The following WWOX variants were observed in gnomAD, a reference collection of about 807,000 sequenced individuals.
WWOX encodes WW domain containing oxidoreductase.
A neutral mutation model predicts 46.2 loss-of-function variants in WWOX; 69 were observed. That is an observed-to-expected ratio of 1.49 (90% CI 1.23 to 1.82). WWOX has a LOEUF of 1.82. Ranked by LOEUF, WWOX falls within the 40% of genes most tolerant of loss-of-function variation. The probability of loss-of-function intolerance (pLI) is 0.00; values close to 1 mark genes in which losing one functional copy is unlikely to be tolerated. For synonymous variants in WWOX, 359 were observed against 202.6 expected (o/e 1.77, Z -6.56); for missense variants, 919 against 542.6 (o/e 1.69, Z -6.89).
chr16:78,662,248 A>T (rs553293841), intron 8 of WWOX, among the ~76,000 whole-genome samples: 1 of 152,168 alleles, frequency 6.6e-6, no homozygotes, highest in African/African-American at 2.4e-5. Flanking sequence ...ACCTCCTGCT[A>T]TCTGTACATA....
intron 8 of WWOX, chr16:78,892,285 T>C (rs997462044): frequency 6.6e-6 from 1 of 152,100 alleles, no homozygotes; most frequent in African/African-American, 2.4e-5. Context: ...ATGAACCACA[T>C]GCTAAAATAA....
intron 8 of WWOX, among the ~76,000 whole-genome samples, chr16:78,946,964 C>G (rs1041999017): frequency 6.6e-6 from 1 of 152,066 alleles, no homozygotes; most frequent in African/African-American, 2.4e-5. Context: ...GAGTTGGTAT[C>G]GCACGCAGGC....
chr16:78,562,364 A>G (rs953261550), intron 8 of WWOX, among the ~76,000 whole-genome samples: 1 of 152,302 alleles, frequency 6.6e-6, no homozygotes, highest in East Asian at 1.9e-4. Flanking sequence ...GTGTTACTAT[A>G]CGATCTAGTG....
At chr16:78,605,930 C>T (rs898435408) in intron 8 of WWOX, among the ~76,000 whole-genome samples, 3 of 152,192 alleles carry the variant, frequency 2.0e-5, no homozygotes, top group Non-Finnish European at 4.4e-5. Flanking sequence ...GAAGCTGAAA[C>T]ATGCGCATTT....
Position 78,346,412 on chromosome 16 carries a change from C to T in WWOX, c.517-40448C>T, listed in dbSNP as rs1435413566. The stretch of plus-strand genomic sequence containing the variant: ...ATCTGTTTTATCTTGGGGGATAATA[C>T]TCTGGAGTGGAATGGGCAGGGTGGT... On this transcript the variant is annotated intron_variant, in intron 5 of 8. Coordinates refer to ENST00000566780, the MANE Select transcript of WWOX (RefSeq NM_016373.4). Among the ~76,000 whole-genome samples, 8 of 82,644 alleles carry T rather than the reference C, an allele frequency of 9.7e-5. 2 individuals are homozygous for T. Among genetic ancestry groups the T allele is most frequent in the African/African-American group, 1.9e-4 (4 of 21,456 alleles). The allele number at this position is 82,644 out of a possible 152,430, so 54.2% of individuals were successfully genotyped here. A position where few individuals can be genotyped will look rare whatever the true frequency, so the allele number is the denominator to read the frequency against.
chr16:78,453,082 T>C (rs972718698), intron 8 of WWOX, among the ~76,000 whole-genome samples: 2 of 151,932 alleles, frequency 1.3e-5, no homozygotes, highest in African/African-American at 4.8e-5. Context: ...GGTTTCATCA[T>C]GTTGGCCAGG....
chr16:78,517,940 A>C (rs910716368), intron 8 of WWOX, among the ~76,000 whole-genome samples: 7 of 131,010 alleles, frequency 5.3e-5, no homozygotes, highest in Admixed American at 9.2e-5. Context: ...TCTTTTCTTT[A>C]CTAGTGAGTG....
chr16:79,113,271 A>G (rs1335480061), intron 8 of WWOX, among the ~76,000 whole-genome samples: 1 of 152,176 alleles, frequency 6.6e-6, no homozygotes, highest in African/African-American at 2.4e-5. Context: ...GGGAGCAGGT[A>G]CTGCTGTGGA....
At chr16:78,979,228 A>G (rs1394020211) in intron 8 of WWOX, among the ~76,000 whole-genome samples, 1 of 152,148 alleles carries the variant, frequency 6.6e-6, no homozygotes, top group Non-Finnish European at 1.5e-5. Flanking sequence ...ACATTTGGAA[A>G]ACATACAGAA....
intron 8 of WWOX, among the ~76,000 whole-genome samples, chr16:78,791,031 AAAAAAAAAAAGTG>A (rs1252802177): frequency 3.3e-5 from 5 of 151,332 alleles, no homozygotes; most frequent in African/African-American, 1.2e-4. Flanking sequence ...AAAAAAAAAA[AAAAAAAAAAAGTG>A]AAAAAAAGGA....
At chr16:78,615,924 G>A (rs2046013109) in intron 8 of WWOX, among the ~76,000 whole-genome samples, 1 of 151,896 alleles carries the variant, frequency 6.6e-6, no homozygotes, top group Admixed American at 6.6e-5. Flanking sequence ...CTAATTTTTT[G>A]TATTTTTAGT....
chr16:78,932,582 G>A (rs928433293), intron 8 of WWOX, among the ~76,000 whole-genome samples: 17 of 152,216 alleles, frequency 1.1e-4, no homozygotes, highest in African/African-American at 2.9e-4. Context: ...TCCTGGCACC[G>A]TTTTCAAGAG....
At chr16:78,608,746 GACC>G (rs2045826477) in intron 8 of WWOX, among the ~76,000 whole-genome samples, 2 of 152,314 alleles carry the variant, frequency 1.3e-5, no homozygotes, top group African/African-American at 4.8e-5. Flanking sequence ...GAGTACTGCG[GACC>G]CAGGACAACT....
At chr16:79,177,143 C>T (rs1054353804) in intron 8 of WWOX, among the ~76,000 whole-genome samples, 7 of 152,216 alleles carry the variant, frequency 4.6e-5, no homozygotes, top group South Asian at 2.1e-4. Context: ...TTTTCCCCTT[C>T]GCTGCCTCCG....
chr16:79,157,531 G>A (rs1597429972), intron 8 of WWOX, among the ~76,000 whole-genome samples: 2 of 152,128 alleles, frequency 1.3e-5, no homozygotes, highest in African/African-American at 2.4e-5. Flanking sequence ...TAAGGCATTT[G>A]GCATGTAGTG....
intron 8 of WWOX, among the ~76,000 whole-genome samples, chr16:78,706,673 C>T (rs1366667431): frequency 1.3e-5 from 2 of 152,212 alleles, no homozygotes; most frequent in Admixed American, 6.5e-5. Context: ...AGGAAAGGCT[C>T]TTTCAGCTGC....
chr16:78,692,779 G>A (rs750760953), intron 8 of WWOX, among the ~76,000 whole-genome samples: 1 of 152,164 alleles, frequency 6.6e-6, no homozygotes, highest in African/African-American at 2.4e-5. Flanking sequence ...TCCCTGTTGG[G>A]GGTACTGATA....
At chr16:78,334,769 A>G (rs2080840452) in intron 5 of WWOX, among the ~76,000 whole-genome samples, 1 of 151,348 alleles carries the variant, frequency 6.6e-6, no homozygotes, top group Admixed American at 6.6e-5. Flanking sequence ...ACCACCCACC[A>G]GGAAAATGGG....
chr16:78,647,539 A>C (rs2046872581), intron 8 of WWOX, among the ~76,000 whole-genome samples: 1 of 152,330 alleles, frequency 6.6e-6, no homozygotes, highest in African/African-American at 2.4e-5. Flanking sequence ...TGCTAAGCCT[A>C]ATCTCCATCT....
Sources: allele counts gnomAD v4.1 joint callset (sites outside exome capture counted in the v4.1 genomes callset), GRCh38; gene constraint gnomAD v4.1.1; transcripts MANE v1.5; gene names NCBI Gene and HGNC (gene_info 2026-07-23, HGNC 2026-07-21).